Variants in PID1 observed in about 807,000 individuals in gnomAD.
The protein encoded by PID1 is PTB-containing, cubilin and LRP1-interacting protein.
Under a neutral mutation model 19.1 loss-of-function variants are expected in PID1, and 10 were observed. That is an observed-to-expected ratio of 0.52 (90% CI 0.32 to 0.89). PID1 has a LOEUF of 0.89. PID1 is among the 40% of genes least tolerant of loss of function. PID1 has a pLI of 0.03. For synonymous variants in PID1, 130 were observed against 116.0 expected, an observed-to-expected ratio of 1.12 and a Z score of -0.78; for missense variants, 248 against 285.3, an observed-to-expected ratio of 0.87 and a Z score of 0.94.
chr2:229,051,102 C>T (rs1010709323), intron 2 of PID1, among the ~76,000 whole-genome samples: 1 of 152,124 alleles, frequency 6.6e-6, no homozygotes. Flanking sequence ...AACTCCTGGG[C>T]TCTGTAGGAA....
intron 1 of PID1, chr2:229,236,197 G>C (rs1689665378): frequency 6.6e-6 from 1 of 152,086 alleles, no homozygotes; most frequent in Admixed American, 6.6e-5. Context: ...GTCACCCATG[G>C]GGTCAATTCA....
At chr2:229,099,808 A>G (rs1695040441) in intron 2 of PID1, among the ~76,000 whole-genome samples, 1 of 152,224 alleles carries the variant, frequency 6.6e-6, no homozygotes, top group Admixed American at 6.5e-5. Flanking sequence ...TTGAAAGAAT[A>G]TAATCATCCC....
At chr2:229,054,259 C>A (rs1316489151) in intron 2 of PID1, among the ~76,000 whole-genome samples, 1 of 152,108 alleles carries the variant, frequency 6.6e-6, no homozygotes. Flanking sequence ...ACCTTTTCAA[C>A]AAAGGAGAGA....
chr2:229,064,861 AGC>A (rs1404914068), intron 2 of PID1, among the ~76,000 whole-genome samples: 1 of 152,154 alleles, frequency 6.6e-6, no homozygotes, highest in African/African-American at 2.4e-5. Flanking sequence ...TGCCAAAGAG[AGC>A]CCATAAATGT....
chr2:229,232,700 A>G (rs1001878285), intron 1 of PID1, among the ~76,000 whole-genome samples: 10 of 149,766 alleles, frequency 6.7e-5, no homozygotes, highest in Non-Finnish European at 1.3e-4. Flanking sequence ...ATACATATAT[A>G]TATATACACA....
rs138231800 is a variant in PID1 at position 229,266,237 on chromosome 2, T to C, written c.30+4777A>G. 1.3e-3 allele frequency among the ~76,000 whole-genome samples: 193 copies of C among 151,668 alleles called. 2 individuals carry two copies. Among genetic ancestry groups the C allele is most frequent in the African/African-American group, 4.5e-3 (186 of 41,282 alleles). On this transcript the variant is annotated intron_variant, in intron 1 of 2. Coordinates refer to ENST00000392055, the MANE Select transcript of PID1 (RefSeq NM_001100818.2). ...GTTGCTTTTTTCTAAGCAACCGCTC[T>C]GAAAATCTCCAACCTCCTCCCTCCT...
At chr2:229,098,737 C>T (rs1320791774) in intron 2 of PID1, among the ~76,000 whole-genome samples, 2 of 152,136 alleles carry the variant, frequency 1.3e-5, no homozygotes, top group African/African-American at 4.8e-5. Flanking sequence ...AAGCTCTGCT[C>T]CTCCATTCTT....
chr2:229,249,551 A>G lies in PID1; in HGVS notation c.30+21463T>C, dbSNP rs181559369. On this transcript the variant is annotated intron_variant, in intron 1 of 2. Transcript: ENST00000392055. ...TGTGCAATGGGGCACACAAAGATGA[A>G]CAAAGACCCAGCCCTCAGCTTCTAG... 5.0e-3 allele frequency among the ~76,000 whole-genome samples: 768 copies of G among 152,366 alleles called. 4 individuals are homozygous for G. Among genetic ancestry groups the G allele is most frequent in the Admixed American group, 7.4e-3 (113 of 15,304 alleles).
intron 1 of PID1, among the ~76,000 whole-genome samples, chr2:229,182,098 T>A (rs1164628159): frequency 6.6e-6 from 1 of 152,202 alleles, no homozygotes; most frequent in Non-Finnish European, 1.5e-5. Context: ...TTTAGGGCAA[T>A]GTAACTACTG....
At position 229,063,647 on chromosome 2, in the gene PID1, T is replaced by G. The variant is rs190112119; in HGVS notation, c.178-37539A>C. On this transcript the variant is annotated intron_variant, in intron 2 of 2. Coordinates refer to ENST00000392055, the MANE Select transcript of PID1 (RefSeq NM_001100818.2). ...ATATATCTGTTAGGTCCATTTGATC[T>G]ATAATGTTATTAAAATCCACTGTTT... Among the ~76,000 whole-genome samples the G allele has an allele frequency of 5.2e-4, 79 of 152,258 alleles. 1 individual carries two copies. In the South Asian group the frequency reaches 9.5e-3, roughly 18 times the overall value.
At chr2:229,253,378 G>T (rs978093625) in intron 1 of PID1, among the ~76,000 whole-genome samples, 7 of 152,088 alleles carry the variant, frequency 4.6e-5, no homozygotes, top group African/African-American at 1.7e-4. Context: ...TGGCAGGAAG[G>T]TGAGAGTGAC....
intron 2 of PID1, among the ~76,000 whole-genome samples, chr2:229,038,123 A>C (rs1693700266): frequency 6.6e-6 from 1 of 152,210 alleles, no homozygotes; most frequent in African/African-American, 2.4e-5. Context: ...AGATTCTAGT[A>C]AGCAACCAGT....
intron 1 of PID1, among the ~76,000 whole-genome samples, chr2:229,200,557 G>C (rs1399351760): frequency 6.6e-6 from 1 of 151,886 alleles, no homozygotes; most frequent in Non-Finnish European, 1.5e-5. Context: ...CCACTACACT[G>C]GCAGCTTGTC....
At chr2:229,061,282 T>G (rs527626125) in intron 2 of PID1, among the ~76,000 whole-genome samples, 71 of 152,242 alleles carry the variant, frequency 4.7e-4, no homozygotes, top group African/African-American at 1.6e-3. Flanking sequence ...GATTTTTGTA[T>G]ATGATGTGAG....
intron 2 of PID1, among the ~76,000 whole-genome samples, chr2:229,051,472 G>A (rs2106184167): frequency 6.6e-6 from 1 of 152,198 alleles, no homozygotes; most frequent in Admixed American, 6.5e-5. Flanking sequence ...CAAGTAGCTA[G>A]GATTACAGGC....
chr2:229,130,906 C>T (rs1223616486), intron 2 of PID1, among the ~76,000 whole-genome samples: 2 of 152,182 alleles, frequency 1.3e-5, no homozygotes, highest in Non-Finnish European at 2.9e-5. Context: ...TCTCTCAGAG[C>T]TCCTGGCAGT....
chr2:229,045,303 T>C (rs1693853436), intron 2 of PID1, among the ~76,000 whole-genome samples: 1 of 152,228 alleles, frequency 6.6e-6, no homozygotes, highest in South Asian at 2.1e-4. Context: ...TGGATGTTGG[T>C]CTATTGGTGA....
chr2:229,126,164 C>G (rs1029952439), intron 2 of PID1, among the ~76,000 whole-genome samples: 3 of 152,064 alleles, frequency 2.0e-5, no homozygotes, highest in Non-Finnish European at 4.4e-5. Flanking sequence ...TCTTTAAAAA[C>G]ACAAAAACAA....
intron 2 of PID1, among the ~76,000 whole-genome samples, chr2:229,137,559 T>C (rs538629750): frequency 6.6e-6 from 1 of 152,138 alleles, no homozygotes; most frequent in East Asian, 1.9e-4. Flanking sequence ...ATTTCATGAA[T>C]CAAGGCAAAG....
Sources: allele counts gnomAD v4.1 joint callset (sites outside exome capture counted in the v4.1 genomes callset), GRCh38; gene constraint gnomAD v4.1.1; transcripts MANE v1.5; gene names NCBI Gene and HGNC (gene_info 2026-07-23, HGNC 2026-07-21).